The following MEIOSIN variants were observed in gnomAD, a reference collection of about 807,000 sequenced individuals.
The protein encoded by MEIOSIN is meiosis initiator protein.
MEIOSIN carries 18 observed loss-of-function variants against 23.4 expected under a neutral mutation model. That is an observed-to-expected ratio of 0.77 (90% confidence interval 0.53 to 1.14). The LOEUF (loss-of-function observed/expected upper bound fraction) is 1.14, where lower values mean the gene tolerates loss of function less well. Among genes scored for constraint, MEIOSIN ranks in the 50% most tolerant of loss-of-function variants. MEIOSIN has a pLI of 0.00. For missense variants in MEIOSIN, 428 were observed against 242.9 expected (o/e 1.76, Z -5.07); for synonymous variants, 187 against 100.6 (o/e 1.86, Z -5.14).
chr19:45,742,026 C>G (rs1219770390), intron 3 of MEIOSIN, among the ~76,000 whole-genome samples: 1 of 151,920 alleles, frequency 6.6e-6, no homozygotes, highest in African/African-American at 2.4e-5. Flanking sequence ...CAGGCACCTG[C>G]CACCACACCT....
At chr19:45,749,428 C>G (rs1968651272) in intron 4 of MEIOSIN, among the ~76,000 whole-genome samples, 1 of 149,214 alleles carries the variant, frequency 6.7e-6, no homozygotes, top group African/African-American at 2.5e-5. Flanking sequence ...GTAATCCCAG[C>G]ATTTTGGGAG....
rs1280984053 is a variant in MEIOSIN at position 45,745,204 on chromosome 19, C to A, written c.189C>A (p.Asn63Lys). The change falls in exon 4 of 15, where the codon AAC (asparagine) becomes AAA (lysine). Residue 63 changes from asparagine to lysine, a missense_variant. Coordinates refer to ENST00000457052, the MANE Select transcript of MEIOSIN (RefSeq NM_001310124.2). ...TGTCCCCAAACAGGAATCAGAGGAA[C>A]CAAAACAAGCTCCTGTCCCCAAACA... ...LLKGKLRNQR[N>K]QNKLLSPNKK... The A allele has an allele frequency of 8.5e-6, 6 of 702,680 alleles. No individual in the cohort carries two copies. The highest frequency in any genetic ancestry group is 1.6e-5 in the Non-Finnish European group (6 of 384,968). The allele number at this position is 702,680 out of a possible 1,614,324, so 43.5% of individuals were successfully genotyped here.
chr19:45,755,861 G>A (rs1255848128), intron 7 of MEIOSIN, 109 bp from the exon 8 acceptor site: 2 of 627,242 alleles, frequency 3.2e-6, no homozygotes, highest in African/African-American at 3.6e-5. Context: ...GCTAGGATTG[G>A]GGAGTGAGAG....
At chr19:45,737,207 C>T (rs1218591469) in intron 2 of MEIOSIN, among the ~76,000 whole-genome samples, 2 of 149,238 alleles carry the variant, frequency 1.3e-5, no homozygotes, top group African/African-American at 2.5e-5. Flanking sequence ...AGGTCTTGCT[C>T]TGTCACCTAG....
At chr19:45,743,712 G>C (rs1349719564) in intron 3 of MEIOSIN, among the ~76,000 whole-genome samples, 1 of 152,114 alleles carries the variant, frequency 6.6e-6, no homozygotes, top group Non-Finnish European at 1.5e-5. Context: ...AGTAGGAACA[G>C]GGTTTCGCCA....
chr19:45,751,233 C>T (rs1459628486), intron 5 of MEIOSIN, among the ~76,000 whole-genome samples: 2 of 150,834 alleles, frequency 1.3e-5, no homozygotes, highest in African/African-American at 4.9e-5. Context: ...GATCACGCCA[C>T]TGCACCCTAG....
chr19:45,761,150 A>G (rs938218256), intron 11 of MEIOSIN, among the ~76,000 whole-genome samples: 9 of 147,806 alleles, frequency 6.1e-5, no homozygotes, highest in Admixed American at 5.4e-4. Context: ...TTTGAGACAG[A>G]GTCTCACTCT....
intron 2 of MEIOSIN, among the ~76,000 whole-genome samples, chr19:45,738,995 G>A (rs1280092562): frequency 6.6e-6 from 1 of 152,138 alleles, no homozygotes; most frequent in Non-Finnish European, 1.5e-5. Context: ...GGGATTTATT[G>A]GATCATTTAA....
At position 45,757,222 on chromosome 19, in the gene MEIOSIN, G is replaced by T. The variant is rs1160860002; in HGVS notation, c.957G>T (p.Gly319=). Residue 319 remains glycine (G), a synonymous_variant, in exon 9 of 15, where the codon GGG becomes GGT. Coordinates refer to ENST00000457052, the MANE Select transcript of MEIOSIN (RefSeq NM_001310124.2). ...FYDSSEDVDK[G]SLDADPWLPA... ...ATTCCAGCGAGGATGTGGACAAAGG[G>T]TCCCTAGACGCTGACCCTTGGCTCC... 7.1e-6 allele frequency: 5 copies of T among 703,004 alleles called. 1 individual carries two copies. The highest frequency in any genetic ancestry group is 1.3e-5 in the Non-Finnish European group (5 of 384,988). 43.5% of individuals were successfully genotyped at this position (703,004 alleles called of 1,614,324 possible). A position where few individuals can be genotyped will look rare whatever the true frequency, so the allele number is the denominator to read the frequency against.
chr19:45,752,037 T>G (rs1329742464), intron 5 of MEIOSIN, among the ~76,000 whole-genome samples: 1 of 142,246 alleles, frequency 7.0e-6, no homozygotes, highest in Non-Finnish European at 1.5e-5. Context: ...CTAGCCGTTT[T>G]TTTTTTTTTT....
intron 7 of MEIOSIN, 115 bp downstream of exon 7, chr19:45,754,839 C>T (rs1275996595): frequency 1.6e-6 from 1 of 635,242 alleles, no homozygotes; most frequent in Non-Finnish European, 2.8e-6. Context: ...GAATAGGAAA[C>T]ACCGCCTCTT....
At chr19:45,749,603 C>T (rs766628731) in intron 4 of MEIOSIN, among the ~76,000 whole-genome samples, 3 of 124,384 alleles carry the variant, frequency 2.4e-5, no homozygotes, top group Non-Finnish European at 3.1e-5. Context: ...ACCCGGGAGG[C>T]GGAGCTTGCA....
chr19:45,738,365 C>T (rs1464333465), intron 2 of MEIOSIN, among the ~76,000 whole-genome samples: 1 of 152,218 alleles, frequency 6.6e-6, no homozygotes, highest in African/African-American at 2.4e-5. Flanking sequence ...GGCCTGTAAT[C>T]CCAACACTTG....
chr19:45,741,327 A>G (rs1182610013), intron 3 of MEIOSIN, among the ~76,000 whole-genome samples: 1 of 152,008 alleles, frequency 6.6e-6, no homozygotes, highest in Non-Finnish European at 1.5e-5. Context: ...AGCCTGGACA[A>G]GAGCGAGACT....
intron 2 of MEIOSIN, among the ~76,000 whole-genome samples, chr19:45,739,100 G>A (rs760737725): frequency 1.3e-5 from 2 of 152,158 alleles, no homozygotes; most frequent in African/African-American, 2.4e-5. Context: ...GGTATTGTCT[G>A]TGTTGGCTTC....
intron 6 of MEIOSIN, 57 bp downstream of exon 6, chr19:45,753,845 C>T (rs1968763787): frequency 1.5e-6 from 1 of 667,348 alleles, no homozygotes; most frequent in South Asian, 1.6e-5. Context: ...GAGCAGGGCT[C>T]CTTCTCCAGG....
At position 45,754,724 on chromosome 19, in the gene MEIOSIN, A is replaced by G. The variant is rs1382546274; in HGVS notation, c.802A>G (p.Ser268Gly). ...AEDTIHCDISSCWCQGSVQDD... is the reference protein window; with the variant it reads ...AEDTIHCDISGCWCQGSVQDD... ...GGACACCATCCACTGTGACATCTCA[A>G]GTGGGTCTCTTTCCTCACTCTGAAC... Residue 268 changes from serine to glycine, a missense_variant and splice_region_variant, in exon 7 of 15, where the codon AGC becomes GGC. Ser to Gly is a moderately conservative substitution (Grantham distance 56). Coordinates refer to ENST00000457052, the MANE Select transcript of MEIOSIN (RefSeq NM_001310124.2). The G allele has an allele frequency of 1.4e-6, 1 of 702,966 alleles. No individual in the cohort carries two copies. The highest frequency in any genetic ancestry group is 2.6e-6 in the Non-Finnish European group (1 of 384,968). The allele number at this position is 702,966 out of a possible 1,614,324, so 43.5% of individuals were successfully genotyped here. A position where few individuals can be genotyped will look rare whatever the true frequency, so the allele number is the denominator to read the frequency against.
intron 3 of MEIOSIN, among the ~76,000 whole-genome samples, chr19:45,744,822 G>A (rs759196057): frequency 6.6e-6 from 1 of 152,158 alleles, no homozygotes; most frequent in African/African-American, 2.4e-5. Flanking sequence ...TCATGGAGAG[G>A]TTTGAAGCAA....
intron 9 of MEIOSIN, among the ~76,000 whole-genome samples, chr19:45,757,560 G>A (rs1337762724): frequency 2.6e-5 from 4 of 152,250 alleles, no homozygotes; most frequent in South Asian, 2.1e-4. Context: ...TCACTCTGTC[G>A]TCCAAGCTGG....
Sources: allele counts gnomAD v4.1 joint callset (sites outside exome capture counted in the v4.1 genomes callset), GRCh38; gene constraint gnomAD v4.1.1; transcripts MANE v1.5; gene names NCBI Gene and HGNC (gene_info 2026-07-23, HGNC 2026-07-21).